CTNNA2: variants seen among roughly 807,000 people sequenced by gnomAD.
CTNNA2 encodes the protein catenin alpha 2.
A neutral mutation model predicts 101.0 loss-of-function variants in CTNNA2; 42 were observed. The ratio of observed to expected loss-of-function variants is 0.42; its 90% CI spans 0.32 to 0.54. The LOEUF (loss-of-function observed/expected upper bound fraction) is 0.54, where lower values mean the gene tolerates loss of function less well. CTNNA2 is among the 20% of genes least tolerant of loss of function. The pLI, the probability that CTNNA2 is intolerant of heterozygous loss-of-function variation, is 0.14. For synonymous variants in CTNNA2, 450 were observed against 456.4 expected, an observed-to-expected ratio of 0.99 and a Z score of 0.18; for missense variants, 871 against 1,223.1, an observed-to-expected ratio of 0.71 and a Z score of 4.29.
chr2:79,521,245 T>C (rs1672108144), intron 1 of CTNNA2, among the ~76,000 whole-genome samples: 1 of 150,482 alleles, frequency 6.6e-6, no homozygotes, highest in Non-Finnish European at 1.5e-5. Flanking sequence ...ATTTCTAAAA[T>C]GACAAGAAAT....
At chr2:80,615,212 A>G (rs1698755173) in intron 17 of CTNNA2, among the ~76,000 whole-genome samples, 1 of 151,516 alleles carries the variant, frequency 6.6e-6, no homozygotes, top group African/African-American at 2.4e-5. Context: ...CTGAGTCAGG[A>G]TTTTTTTATT....
chr2:79,763,388 C>G (rs1334197803), intron 3 of CTNNA2, among the ~76,000 whole-genome samples: 3 of 152,232 alleles, frequency 2.0e-5, no homozygotes, highest in Middle Eastern at 3.4e-3. Context: ...TCCACAGCTT[C>G]TTTCTGTGTA....
intron 2 of CTNNA2, among the ~76,000 whole-genome samples, chr2:79,704,009 G>T (rs1685180059): frequency 6.6e-6 from 1 of 151,616 alleles, no homozygotes; most frequent in Non-Finnish European, 1.5e-5. Flanking sequence ...TAGAAAGTTG[G>T]CATATATATT....
intron 6 of CTNNA2, among the ~76,000 whole-genome samples, chr2:79,896,782 G>A (rs1684740618): frequency 6.6e-6 from 1 of 152,216 alleles, no homozygotes; most frequent in Non-Finnish European, 1.5e-5. Context: ...ACACAAGAGA[G>A]TTAAAGATCG....
intron 3 of CTNNA2, among the ~76,000 whole-genome samples, chr2:79,745,361 G>A (rs1671569895): frequency 6.6e-6 from 1 of 152,002 alleles, no homozygotes; most frequent in Non-Finnish European, 1.5e-5. Flanking sequence ...AACCCGGGAG[G>A]CGGAGGTTGC....
chr2:80,164,175 T>G (rs1023496092), intron 7 of CTNNA2, among the ~76,000 whole-genome samples: 1 of 151,934 alleles, frequency 6.6e-6, no homozygotes, highest in African/African-American at 2.4e-5. Flanking sequence ...TGCTAAAGCT[T>G]AAGTCTGCCA....
chr2:80,448,471 T>G (rs1683236996), intron 9 of CTNNA2, among the ~76,000 whole-genome samples: 1 of 152,210 alleles, frequency 6.6e-6, no homozygotes, highest in Non-Finnish European at 1.5e-5. Flanking sequence ...TGTGTGTTTC[T>G]GAATCCTGAC....
At chr2:79,272,134 T>A (rs1021421259) in intron 2 of CTNNA2, among the ~76,000 whole-genome samples, 1 of 152,026 alleles carries the variant, frequency 6.6e-6, no homozygotes, top group African/African-American at 2.4e-5. Context: ...ACGATACCCC[T>A]TTTATAAAGT....
chr2:79,316,930 T>C (rs1038128023), intron 3 of CTNNA2, among the ~76,000 whole-genome samples: 4 of 152,028 alleles, frequency 2.6e-5, no homozygotes, highest in African/African-American at 9.7e-5. Context: ...TTCACTAGTA[T>C]GCTAAATGGA....
intron 3 of CTNNA2, among the ~76,000 whole-genome samples, chr2:79,818,821 T>TTTTATATATATATATATGTATATA (rs1553373413): frequency 1.3e-5 from 1 of 74,280 alleles, no homozygotes; most frequent in Non-Finnish European, 2.3e-5. Flanking sequence ...CAAAATGCAA[T>TTTTATATATATATATATGTATATA]TATATATATA....
At chr2:79,544,132 T>TTA (rs1673585119) in intron 1 of CTNNA2, among the ~76,000 whole-genome samples, 1 of 152,176 alleles carries the variant, frequency 6.6e-6, no homozygotes, top group African/African-American at 2.4e-5. Context: ...GTTACAGGGT[T>TTA]TCACCATATT....
At chr2:79,333,343 C>T (rs2104420511) in intron 3 of CTNNA2, among the ~76,000 whole-genome samples, 1 of 152,196 alleles carries the variant, frequency 6.6e-6, no homozygotes. Context: ...CCAGGCAAGC[C>T]TACACAGGTC....
intron 7 of CTNNA2, among the ~76,000 whole-genome samples, chr2:79,971,883 A>G (rs1194333217): frequency 6.6e-6 from 1 of 152,126 alleles, no homozygotes; most frequent in African/African-American, 2.4e-5. Flanking sequence ...GGTCCCATCT[A>G]AGGGGGTCTT....
intron 7 of CTNNA2, among the ~76,000 whole-genome samples, chr2:80,111,863 T>A (rs1004407770): frequency 2.0e-5 from 3 of 152,184 alleles, no homozygotes; most frequent in African/African-American, 7.2e-5. Flanking sequence ...GTTTTGAAGT[T>A]TGCTAGTGGC....
intron 2 of CTNNA2, among the ~76,000 whole-genome samples, chr2:79,297,079 C>T (rs778886797): frequency 6.6e-5 from 10 of 152,108 alleles, no homozygotes; most frequent in South Asian, 2.1e-4. Context: ...CCTCCTCCAC[C>T]CTTACTGAGA....
chr2:79,415,050 G>A (rs1678462634), intron 4 of CTNNA2, among the ~76,000 whole-genome samples: 1 of 152,134 alleles, frequency 6.6e-6, no homozygotes, highest in African/African-American at 2.4e-5. Context: ...CCCTGTTGTG[G>A]TTTAGATGTG....
chr2:79,229,179 G>A (rs1674458433), intron 2 of CTNNA2, among the ~76,000 whole-genome samples: 2 of 152,106 alleles, frequency 1.3e-5, no homozygotes, highest in Non-Finnish European at 2.9e-5. Context: ...TTTGAAGTTG[G>A]GCAATGTGAT....
chr2:80,288,423 G>C (rs964086846), intron 7 of CTNNA2: 1 of 152,162 alleles, frequency 6.6e-6, no homozygotes, highest in Non-Finnish European at 1.5e-5. Context: ...TGTCAGTGAA[G>C]GCATTGAACT....
intron 2 of CTNNA2, among the ~76,000 whole-genome samples, chr2:79,205,288 A>C (rs1159047629): frequency 6.6e-6 from 1 of 152,222 alleles, no homozygotes; most frequent in Non-Finnish European, 1.5e-5. Flanking sequence ...GAATCTTCCC[A>C]GGACATGAGA....
Sources: allele counts gnomAD v4.1 joint callset (sites outside exome capture counted in the v4.1 genomes callset), GRCh38; gene constraint gnomAD v4.1.1; transcripts MANE v1.5; gene names NCBI Gene and HGNC (gene_info 2026-07-23, HGNC 2026-07-21).